LPCAT1: variants seen among roughly 807,000 people sequenced by gnomAD.
The protein encoded by LPCAT1 is 1-acylglycerol-3-phosphate O-acyltransferase.
LPCAT1 carries 23 observed loss-of-function variants against 60.9 expected under a neutral mutation model. The ratio of observed to expected loss-of-function variants is 0.38; its 90% CI spans 0.27 to 0.53. The LOEUF (loss-of-function observed/expected upper bound fraction) is 0.53, where lower values mean the gene tolerates loss of function less well. LPCAT1 is among the 20% of genes least tolerant of loss of function. The pLI, the probability that LPCAT1 is intolerant of heterozygous loss-of-function variation, is 0.82. For missense variants in LPCAT1, 622 were observed against 723.6 expected (o/e 0.86, Z 1.61); for synonymous variants, 340 against 301.1 (o/e 1.13, Z -1.34).
chr5:1,518,773 C>T (rs1031635501), intron 1 of LPCAT1, among the ~76,000 whole-genome samples: 5 of 152,218 alleles, frequency 3.3e-5, no homozygotes, highest in Admixed American at 6.5e-5. Flanking sequence ...GTGCCAATGA[C>T]GATAGGGGGC....
At chr5:1,486,601 G>A (rs927215052) in intron 5 of LPCAT1, among the ~76,000 whole-genome samples, 1 of 152,130 alleles carries the variant, frequency 6.6e-6, no homozygotes, top group Non-Finnish European at 1.5e-5. Context: ...CAGGTTGTGG[G>A]TGCCTCTGTT....
chr5:1,498,692 C>A (rs758946653), intron 2 of LPCAT1, among the ~76,000 whole-genome samples: 1 of 152,118 alleles, frequency 6.6e-6, no homozygotes, highest in Non-Finnish European at 1.5e-5. Flanking sequence ...CTGTCATACA[C>A]GTACATGTAT....
At position 1,480,836 on chromosome 5, in the gene LPCAT1, T is replaced by C. The variant is rs1188891054; in HGVS notation, c.761+106A>G. On this transcript the variant is annotated intron_variant, in intron 7 of 13. Coordinates refer to ENST00000283415, the MANE Select transcript of LPCAT1 (RefSeq NM_024830.5). This position sits in a 1 kb window ranked among gnomAD's most constrained non-coding sequence, Gnocchi z 6.4. ...CTGAACCTAACGGCTGTCCCACACC[T>C]GCTTTCACAACTGCAAAAGTAACTA... 7.3e-7 allele frequency: 1 copy of C among 1,374,402 alleles called. No homozygotes were observed. The highest frequency in any genetic ancestry group is 2.3e-5 in the East Asian group (1 of 43,722). 85.1% of individuals were successfully genotyped at this position (1,374,402 alleles called of 1,614,324 possible).
At chr5:1,466,944 C>T in intron 12 of LPCAT1, 54 bp from the exon 13 acceptor site, 2 of 1,461,826 alleles carry the variant, frequency 1.4e-6, no homozygotes, top group Middle Eastern at 2.0e-4. Flanking sequence ...CCACCAGGCC[C>T]CGCTGTCCAG....
rs1735746474 is a variant in LPCAT1, at chr5:1,495,323, C to A, written c.279-409G>T. ...ACATTAAAACACCTAAAACGCATAT[C>A]GCAATATGGGGGGGGGGGCGCTCAG... On this transcript the variant is annotated intron_variant, in intron 2 of 13. Coordinates refer to ENST00000283415, the MANE Select transcript of LPCAT1 (RefSeq NM_024830.5). This position sits in a 1 kb window ranked among gnomAD's most constrained non-coding sequence, Gnocchi z 4.7. Among the ~76,000 whole-genome samples the A allele has an allele frequency of 2.0e-5, 2 of 101,712 alleles. No individual in the cohort carries two copies. The highest frequency in any genetic ancestry group is 9.5e-5 in the African/African-American group (2 of 21,068). 66.7% of individuals were successfully genotyped at this position (101,712 alleles called of 152,430 possible).
chr5:1,463,660 C>G lies in LPCAT1; in HGVS notation c.1596G>C (p.Lys532Asn). 6.2e-7 allele frequency: 1 copy of G among 1,614,166 alleles called. No individual in the cohort carries two copies. Among genetic ancestry groups the G allele is most frequent in the Non-Finnish European group, 8.5e-7 (1 of 1,180,040 alleles). Residue 532 changes from lysine (K) to asparagine (N), a missense_variant, in exon 14 of 14, where the codon AAG becomes AAC. By Grantham distance (94) the Lys-to-Asn change is moderately conservative. Coordinates refer to ENST00000283415, the MANE Select transcript of LPCAT1 (RefSeq NM_024830.5). ...SDAGRKPVRK[K>N]LD ...TCCGCAACCCTGGGTCCTAATCCAG[C>G]TTCTTGCGAACAGGCTTCCGCCCAG...
chr5:1,505,915 C>G (rs1366612074), intron 1 of LPCAT1, among the ~76,000 whole-genome samples: 1 of 152,248 alleles, frequency 6.6e-6, no homozygotes, highest in South Asian at 2.1e-4. Context: ...CCAGTCAGTG[C>G]ACCTGCTCCT....
In LPCAT1 at chr5:1,496,124, G is replaced by T. The variant is rs974983220; in HGVS notation, c.279-1210C>A. Among the ~76,000 whole-genome samples the T allele has an allele frequency of 5.9e-5, 9 of 152,184 alleles. No individual in the cohort carries two copies. The highest frequency in any genetic ancestry group is 2.2e-4 in the African/African-American group (9 of 41,440). On this transcript the variant is annotated intron_variant, in intron 2 of 13. Coordinates refer to ENST00000283415, the MANE Select transcript of LPCAT1 (RefSeq NM_024830.5). The surrounding 1 kb of genome is among the most constrained non-coding windows in gnomAD (Gnocchi z 4.7). ...GCCTGTAATCACAGCACTTTGGGAG[G>T]CCAAGGCAGGTGGATCACTTGAGGT...
chr5:1,508,317 C>G (rs1325691425), intron 1 of LPCAT1, among the ~76,000 whole-genome samples: 1 of 152,210 alleles, frequency 6.6e-6, no homozygotes, highest in African/African-American at 2.4e-5. Flanking sequence ...GCGCCCCCTT[C>G]CCCAATTCCT....
At position 1,483,461 on chromosome 5, in the gene LPCAT1, G is replaced by A. The variant is rs946967059; in HGVS notation, c.693C>T (p.Val231=). 1 of 1,613,750 alleles carries A rather than the reference G, an allele frequency of 6.2e-7. No homozygotes were observed. ...KPGAFIPGAP[V]QPVVLRYPNK... Reference sequence around the variant, plus strand: ...TTGGATATCGTAAAACCACAGGCTGGACGGGCGCTCCAGGGATGAATGCAC... The same window carrying A: ...TTGGATATCGTAAAACCACAGGCTGAACGGGCGCTCCAGGGATGAATGCAC... The change falls in exon 6 of 14, where the codon GTC becomes GTT. Residue 231 remains valine, a synonymous_variant. Coordinates refer to ENST00000283415, the MANE Select transcript of LPCAT1 (RefSeq NM_024830.5). This position sits in a 1 kb window ranked among gnomAD's most constrained non-coding sequence, Gnocchi z 9.2.
rs145063230 is a variant in LPCAT1, at chr5:1,512,206, T to A, written c.136-10603A>T. 2.8e-3 allele frequency among the ~76,000 whole-genome samples: 430 copies of A among 152,096 alleles called. 2 individuals carry two copies. Among genetic ancestry groups the A allele is most frequent in the African/African-American group, 0.01 (417 of 41,498 alleles). On this transcript the variant is annotated intron_variant, in intron 1 of 13. Transcript: ENST00000283415. ...CCTGTGTGGCGTGCGGCCCCGTGAGTCGCAGTGGGGCTATGTGCTGGGTGG... is the reference window on the plus strand; with the variant it reads ...CCTGTGTGGCGTGCGGCCCCGTGAGACGCAGTGGGGCTATGTGCTGGGTGG...
intron 3 of LPCAT1, among the ~76,000 whole-genome samples, chr5:1,493,146 C>T (rs1224847104): frequency 1.3e-5 from 2 of 152,250 alleles, no homozygotes; most frequent in African/African-American, 4.8e-5. Flanking sequence ...CCTGTCCAGC[C>T]TCCTCCAGGC....
intron 2 of LPCAT1, among the ~76,000 whole-genome samples, chr5:1,500,385 G>A (rs113085597): frequency 8.5e-5 from 13 of 152,390 alleles, no homozygotes; most frequent in African/African-American, 3.1e-4. Context: ...AAAATATTGT[G>A]ATTTAGTTTA....
At chr5:1,519,346 T>TAC (rs1736602316) in intron 1 of LPCAT1, among the ~76,000 whole-genome samples, 1 of 152,272 alleles carries the variant, frequency 6.6e-6, no homozygotes, top group African/African-American at 2.4e-5. Flanking sequence ...CATATTCTCA[T>TAC]ACACACACTC....
In LPCAT1 at chr5:1,509,511, C is replaced by A. The variant is rs188184249; in HGVS notation, c.136-7908G>T. On this transcript the variant is annotated intron_variant, in intron 1 of 13. Transcript: ENST00000283415. The stretch of plus-strand genomic sequence containing the variant: ...TTGAAAGCACAGCAGTTCTCTCAGG[C>A]ATCCCATCGGACGGAGCCGGCACTT... 3.9e-3 allele frequency among the ~76,000 whole-genome samples: 596 copies of A among 152,320 alleles called. 4 individuals carry two copies. Among genetic ancestry groups the A allele is most frequent in the African/African-American group, 0.013 (548 of 41,554 alleles).
rs1248172853 is a variant in LPCAT1 at position 1,521,383 on chromosome 5, C to A, written c.135+2327G>T. The A allele has an allele frequency of 3.0e-6, 3 of 985,412 alleles. No homozygotes were observed. In the East Asian group the frequency reaches 3.4e-4, roughly 112 times the overall value. 61.0% of individuals were successfully genotyped at this position (985,412 alleles called of 1,614,324 possible). On this transcript the variant is annotated intron_variant, in intron 1 of 13. Transcript: ENST00000283415. This position sits in a 1 kb window ranked among gnomAD's most constrained non-coding sequence, Gnocchi z 4.3. ...AACTGGGAACTTAGCTGGGTTTCTG[C>A]GGGTTCTTGAGTGTGTCAGCCACTA...
chr5:1,522,093 A>C lies in LPCAT1; in HGVS notation c.135+1617T>G, dbSNP rs1333884118. Among the ~76,000 whole-genome samples the C allele has an allele frequency of 1.3e-5, 2 of 152,172 alleles. No individual in the cohort carries two copies. Among genetic ancestry groups the C allele is most frequent in the Non-Finnish European group, 2.9e-5 (2 of 68,014 alleles). ...CAGGAAGAGAGAGCATGCCTGAGGC[A>C]GCCATAGCTGGGGCAGGAGCAGGGC... On this transcript the variant is annotated intron_variant, in intron 1 of 13. Transcript: ENST00000283415. The surrounding 1 kb of genome is among the most constrained non-coding windows in gnomAD (Gnocchi z 6.8).
rs1056500261 is a variant in LPCAT1, at chr5:1,523,324, C to T, written c.135+386G>A. ...CCGGACCAGGGACGAGCGCGGGGACCGGCGATGCGGGTCCAGCCTCCCGCG... is the reference window on the plus strand; with the variant it reads ...CCGGACCAGGGACGAGCGCGGGGACTGGCGATGCGGGTCCAGCCTCCCGCG... On this transcript the variant is annotated intron_variant, in intron 1 of 13. Coordinates refer to ENST00000283415, the MANE Select transcript of LPCAT1 (RefSeq NM_024830.5). The surrounding 1 kb of genome is among the most constrained non-coding windows in gnomAD (Gnocchi z 7.1). Among the ~76,000 whole-genome samples, 4 of 151,862 alleles carry T rather than the reference C, an allele frequency of 2.6e-5. No homozygotes were observed. Among genetic ancestry groups the T allele is most frequent in the African/African-American group, 9.7e-5 (4 of 41,416 alleles).
Position 1,518,356 on chromosome 5 carries a change from T to C in LPCAT1, c.135+5354A>G, listed in dbSNP as rs576419142. Among the ~76,000 whole-genome samples the C allele has an allele frequency of 4.7e-4, 72 of 152,358 alleles. 1 individual carries two copies. In the South Asian group the frequency reaches 0.014, roughly 30 times the overall value. On this transcript the variant is annotated intron_variant, in intron 1 of 13. Coordinates refer to ENST00000283415, the MANE Select transcript of LPCAT1 (RefSeq NM_024830.5). ...AAACTTTTTCTTTATCTTTTTCTTT[T>C]TGGAGACGGAGTCCGGCTCTGTCGC...
Sources: gnomAD v4.1 joint callset for allele counts (sites outside exome capture counted in the v4.1 genomes callset) on GRCh38, gnomAD v4.1.1 for gene constraint, Gnocchi (gnomAD v3.1) non-coding constraint, MANE v1.5 for transcripts, NCBI Gene and HGNC (gene_info 2026-07-23, HGNC 2026-07-21) for gene names.